The following TNS2 variants were observed in gnomAD, a reference collection of about 807,000 sequenced individuals.
TNS2 encodes tensin 2.
Under a neutral mutation model 155.7 loss-of-function variants are expected in TNS2, and 77 were observed. That is an observed-to-expected ratio of 0.49 (90% CI 0.41 to 0.60). TNS2 has a LOEUF of 0.60. Ranked by LOEUF, TNS2 falls within the 20% of genes least tolerant of loss-of-function variation. The pLI, the probability that TNS2 is intolerant of heterozygous loss-of-function variation, is 0.00. For missense variants in TNS2, 1,703 were observed against 1,868.8 expected (o/e 0.91, Z 1.64); for synonymous variants, 726 against 763.9 (o/e 0.95, Z 0.82).
At chr12:53,058,879 G>A in intron 17 of TNS2, 52 bp downstream of exon 17, 1 of 1,594,336 alleles carries the variant, frequency 6.3e-7, no homozygotes. Flanking sequence ...CGGGACCCTG[G>A]GGGGTGGTGC....
intron 7 of TNS2, 135 bp downstream of exon 7, chr12:53,054,576 C>T: frequency 8.5e-7 from 1 of 1,182,308 alleles, no homozygotes; most frequent in Non-Finnish European, 1.1e-6. Context: ...GGGGGCGGGG[C>T]CCGGAGCGCG....
intron 1 of TNS2, among the ~76,000 whole-genome samples, chr12:53,051,558 G>A (rs912686073): frequency 1.3e-5 from 2 of 152,206 alleles, no homozygotes; most frequent in Admixed American, 6.5e-5. Context: ...GAAAGCCTGA[G>A]CATGGAGGCT....
chr12:53,058,841 C>T lies in TNS2; in HGVS notation c.1405+14C>T, dbSNP rs750314549. 1 of 1,611,992 alleles carries T rather than the reference C, an allele frequency of 6.2e-7. No homozygotes were observed. The highest frequency in any genetic ancestry group is 1.1e-5 in the South Asian group (1 of 91,042). ...ACAGTGTGGATGGTGCGCAGGCAGC[C>T]TGCAGGGTGGGAGGTACAGGGTTGT... On this transcript the variant is annotated intron_variant, in intron 17 of 28. Transcript: ENST00000314250.
In TNS2 at chr12:53,058,388, A is replaced by G. The variant is rs531137613; in HGVS notation, c.1168A>G (p.Thr390Ala). The G allele has an allele frequency of 6.2e-7, 1 of 1,614,172 alleles. No homozygotes were observed. The highest frequency in any genetic ancestry group is 1.3e-5 in the African/African-American group (1 of 75,026). Residue 390 changes from threonine to alanine, a missense_variant, in exon 15 of 29, where the codon ACC becomes GCC. Thr to Ala is a moderately conservative substitution (Grantham distance 58, BLOSUM62 0). Transcript: ENST00000314250. ...LVFRVQFHTC[T>A]IHGPQLTFPK... Reference sequence around the variant, plus strand: ...GTTCCGAGTCCAGTTCCACACCTGCACCATCCACGGACCACAGCTCACTTT... The same window carrying G: ...GTTCCGAGTCCAGTTCCACACCTGCGCCATCCACGGACCACAGCTCACTTT...
At chr12:53,053,507 G>A (rs1944018848) in intron 4 of TNS2, 58 bp downstream of exon 4, 3 of 1,605,560 alleles carry the variant, frequency 1.9e-6, no homozygotes, top group Admixed American at 1.7e-5. Context: ...GGTGTCCAGA[G>A]GTCTGGTGGC....
chr12:53,049,065 T>C (rs1943826498), upstream of TNS2: 14 of 1,081,858 alleles, frequency 1.3e-5, no homozygotes, highest in South Asian at 2.3e-4. Flanking sequence ...TCCCCCTTTT[T>C]CAAGGCCCCA....
At chr12:53,053,266 C>T in intron 3 of TNS2, 145 bp from the exon 4 acceptor site, 1 of 933,030 alleles carries the variant, frequency 1.1e-6, no homozygotes, top group East Asian at 2.6e-5. Context: ...GGGAGGTGCC[C>T]TTAAATAGCG....
At chr12:53,053,920 G>C in intron 5 of TNS2, 45 bp from the exon 6 acceptor site, 1 of 1,613,996 alleles carries the variant, frequency 6.2e-7, no homozygotes, top group Non-Finnish European at 8.5e-7. Context: ...GTCTAGAGTA[G>C]GGGGTACCCA....
chr12:53,057,185 C>G, intron 11 of TNS2, 89 bp downstream of exon 11: 1 of 1,373,320 alleles, frequency 7.3e-7, no homozygotes, highest in Non-Finnish European at 1.0e-6. Context: ...AGCACACTTT[C>G]ACTGAGTGTG....
rs777892784 is a variant in TNS2 at position 53,059,563 on chromosome 12, G to C, written c.1922G>C (p.Arg641Thr). The C allele has an allele frequency of 1.3e-6, 2 of 1,597,206 alleles. No homozygotes were observed. The highest frequency in any genetic ancestry group is 1.7e-6 in the Non-Finnish European group (2 of 1,172,320). ...QGYAEASMEK[R>T]RLCRSLSEGL... The stretch of plus-strand genomic sequence containing the variant: ...TACGCCGAGGCCTCGATGGAGAAGA[G>C]GCGCCTCTGCCGATCGCTGTCAGAG... Residue 641 changes from arginine to threonine, a missense_variant, in exon 18 of 29, where the codon AGG becomes ACG. Transcript: ENST00000314250. This position sits in a 1 kb window ranked among gnomAD's most constrained non-coding sequence, Gnocchi z 4.7.
chr12:53,057,483 C>G, intron 11 of TNS2, 84 bp from the exon 12 acceptor site: 11 of 1,028,116 alleles, frequency 1.1e-5, no homozygotes, highest in Non-Finnish European at 1.5e-5. Flanking sequence ...GAAGAGCGAG[C>G]CTTCTAAGGG....
In TNS2 at chr12:53,063,740, C is replaced by G. The variant is rs1386343871; in HGVS notation, c.4092-4C>G. ...AGCCCCTTCCCCACCCTTTATCCCC[C>G]TAGGATCTTTGGTTTCGTGGCCAAG... On this transcript the variant is annotated splice_region_variant and splice_polypyrimidine_tract_variant and intron_variant, in intron 28 of 28. Transcript: ENST00000314250. This position sits in a 1 kb window ranked among gnomAD's most constrained non-coding sequence, Gnocchi z 5.6. 3.1e-6 allele frequency: 5 copies of G among 1,614,060 alleles called. No individual in the cohort carries two copies. The South Asian group carries it at 5.5e-5, about 18-fold the overall frequency.
rs375398578 is a variant in TNS2 at position 53,053,457 on chromosome 12, C to T, written c.261+8C>T. The T allele has an allele frequency of 8.4e-5, 135 of 1,613,688 alleles. No homozygotes were observed. In the African/African-American group the frequency reaches 1.1e-3, roughly 13 times the overall value. On this transcript the variant is annotated splice_region_variant and intron_variant, in intron 4 of 28. Coordinates refer to ENST00000314250, the MANE Select transcript of TNS2 (RefSeq NM_170754.4). ...TTGCCTCCCGTGGAGTTGGTGAGTGCGCTCTGGGATGGGGTGGGGAGGGCA... is the reference window on the plus strand; with the variant it reads ...TTGCCTCCCGTGGAGTTGGTGAGTGTGCTCTGGGATGGGGTGGGGAGGGCA...
At position 53,059,199 on chromosome 12, in the gene TNS2, A is replaced by G. The variant is rs1445330575; in HGVS notation, c.1558A>G (p.Thr520Ala). 1 of 1,592,134 alleles carries G rather than the reference A, an allele frequency of 6.3e-7. No homozygotes were observed. Among genetic ancestry groups the G allele is most frequent in the Admixed American group, 1.7e-5 (1 of 57,298 alleles). The change falls in exon 18 of 29, where the codon ACC becomes GCC. Residue 520 changes from threonine to alanine, a missense_variant. Thr to Ala is a moderately conservative substitution (Grantham distance 58, BLOSUM62 0). Transcript: ENST00000314250. The surrounding 1 kb of genome is among the most constrained non-coding windows in gnomAD (Gnocchi z 4.7). Reference sequence around the variant, plus strand: ...CGACTCAGGCCATTCCTCCACGCTGACCACAGAGCCGGCTGCTGAGTCCCC... The same window carrying G: ...CGACTCAGGCCATTCCTCCACGCTGGCCACAGAGCCGGCTGCTGAGTCCCC... ...SSDSGHSSTL[T>A]TEPAAESPGR...
At position 53,059,582 on chromosome 12, in the gene TNS2, G is replaced by A. The variant is rs375551494; in HGVS notation, c.1941G>A (p.Leu647=). 6.2e-6 allele frequency: 10 copies of A among 1,605,516 alleles called. No homozygotes were observed. The highest frequency in any genetic ancestry group is 1.7e-6 in the Non-Finnish European group (2 of 1,176,348). ...AGAAGAGGCGCCTCTGCCGATCGCT[G>A]TCAGAGGGGCTATACCCCTACCCAC... ...SMEKRRLCRS[L]SEGLYPYPPE... The change falls in exon 18 of 29, where the codon CTG becomes CTA. Residue 647 remains leucine (L), a synonymous_variant. Coordinates refer to ENST00000314250, the MANE Select transcript of TNS2 (RefSeq NM_170754.4). This position sits in a 1 kb window ranked among gnomAD's most constrained non-coding sequence, Gnocchi z 4.7.
chr12:53,049,972 T>G, upstream of TNS2: 15 of 1,097,426 alleles, frequency 1.4e-5, no homozygotes, highest in Non-Finnish European at 1.7e-5. Context: ...CTCCCCCACA[T>G]CCTCCCCCCT....
At chr12:53,053,015 C>T in intron 3 of TNS2, 2 of 335,570 alleles carry the variant, frequency 6.0e-6, no homozygotes, top group South Asian at 2.5e-5. Flanking sequence ...GGTCCTCTTC[C>T]TTCAGGACAG....
In TNS2 at chr12:53,062,465, G is replaced by C. The variant is rs1416206723; in HGVS notation, c.3745+12G>C. 6.2e-7 allele frequency: 1 copy of C among 1,613,372 alleles called. No homozygotes were observed. The highest frequency in any genetic ancestry group is 1.7e-5 in the Admixed American group (1 of 59,990). ...CATTCCCAGCAAAGGTGAGTGTCTG[G>C]TCATCTGTCCTCCCCACCTCTCCCT... On this transcript the variant is annotated intron_variant, in intron 24 of 28. Coordinates refer to ENST00000314250, the MANE Select transcript of TNS2 (RefSeq NM_170754.4).
In TNS2 at chr12:53,061,082, T is replaced by G. The variant is rs1944367831; in HGVS notation, c.3176T>G (p.Leu1059Arg). 1 of 1,611,790 alleles carries G rather than the reference T, an allele frequency of 6.2e-7. No homozygotes were observed. The highest frequency in any genetic ancestry group is 1.7e-5 in the Admixed American group (1 of 59,588). The change falls in exon 20 of 29, where the codon CTG (leucine) becomes CGG (arginine). Residue 1059 changes from leucine to arginine, a missense_variant. Leu to Arg is a moderately radical substitution (Grantham distance 102). Transcript: ENST00000314250. The stretch of plus-strand genomic sequence containing the variant: ...AGCTCACCTACACCTGCTTTCCCCC[T>G]GGCTGCCTCCTATGACACCAATGGC... ...PQSSPTPAFP[L>R]AASYDTNGLS...
Sources: gnomAD v4.1 joint callset for allele counts (sites outside exome capture counted in the v4.1 genomes callset) on GRCh38, gnomAD v4.1.1 for gene constraint, Gnocchi (gnomAD v3.1) non-coding constraint, MANE v1.5 for transcripts, NCBI Gene and HGNC (gene_info 2026-07-23, HGNC 2026-07-21) for gene names.